TBC1D31: variants seen among roughly 807,000 people sequenced by gnomAD.
TBC1D31 encodes the protein WD repeat domain 67.
Under a neutral mutation model 132.9 loss-of-function variants are expected in TBC1D31, and 99 were observed. That is an observed-to-expected ratio of 0.74 (90% CI 0.63 to 0.88). The LOEUF (loss-of-function observed/expected upper bound fraction) is 0.88, where lower values mean the gene tolerates loss of function less well. TBC1D31 is among the 40% of genes least tolerant of loss of function. The pLI is 0.00. For missense variants in TBC1D31, 1,134 were observed against 1,256.6 expected (o/e 0.90, Z 1.48); for synonymous variants, 385 against 419.4 (o/e 0.92, Z 1.00).
chr8:123,116,653 C>G (rs1025086245), intron 10 of TBC1D31, among the ~76,000 whole-genome samples: 2 of 151,996 alleles, frequency 1.3e-5, no homozygotes, highest in Non-Finnish European at 2.9e-5. Context: ...GTGAGCGCAC[C>G]TACTGGTGTG....
chr8:123,109,641 C>G (rs1206981491), intron 10 of TBC1D31, 21 bp downstream of exon 10: 1 of 1,580,242 alleles, frequency 6.3e-7, no homozygotes. Flanking sequence ...TATATTGCAG[C>G]AATGTGTATG....
chr8:123,159,527 C>G, the TBC1D31 span, among the ~76,000 whole-genome samples: 1 of 152,154 alleles, frequency 6.6e-6, no homozygotes, highest in African/African-American at 2.4e-5. Context: ...CGCGGTGGCT[C>G]ACGTCTGTAA....
At position 123,109,593 on chromosome 8, in the gene TBC1D31, G is replaced by A. The variant is rs776868889; in HGVS notation, c.1409G>A (p.Ser470Asn). Reference protein sequence around the residue: ...LNLQKKYPIKSRKLLRVLQRT... With the variant: ...LNLQKKYPIKNRKLLRVLQRT... ...CTTCAGAAGAAATACCCCATCAAAA[G>A]TAGGAAGCTACTCAGAGTATTACAG... Residue 470 changes from serine (S) to asparagine (N), a missense_variant, in exon 10 of 22, where the codon AGT becomes AAT. Transcript: ENST00000287380. 2.5e-6 allele frequency: 4 copies of A among 1,613,580 alleles called. No homozygotes were observed. The highest frequency in any genetic ancestry group is 3.4e-6 in the Non-Finnish European group (4 of 1,179,896).
At chr8:123,101,425 G>GT (rs1044208436) in intron 7 of TBC1D31, among the ~76,000 whole-genome samples, 6 of 151,758 alleles carry the variant, frequency 4.0e-5, no homozygotes, top group Non-Finnish European at 7.4e-5. Context: ...TTTTGTTTTT[G>GT]TTTTTTGAGA....
intron 10 of TBC1D31, 127 bp downstream of exon 10, chr8:123,109,747 T>C (rs1818275749): frequency 1.1e-6 from 1 of 884,496 alleles, no homozygotes; most frequent in Non-Finnish European, 1.7e-6. Context: ...GTTGGTTTAA[T>C]TTTAAAAATG....
At chr8:123,100,729 G>C in intron 6 of TBC1D31, 78 bp from the exon 7 acceptor site, 1 of 1,064,038 alleles carries the variant, frequency 9.4e-7, no homozygotes, top group Middle Eastern at 2.1e-4. Flanking sequence ...TTGCATACAC[G>C]TAAAGACGTG....
chr8:123,149,546 A>G (rs1168025331), intron 20 of TBC1D31, among the ~76,000 whole-genome samples: 1 of 152,142 alleles, frequency 6.6e-6, no homozygotes, highest in African/African-American at 2.4e-5. Flanking sequence ...GGTGAGTGTA[A>G]GTTTTGAGAT....
chr8:123,140,560 C>G (rs927953110), intron 17 of TBC1D31, among the ~76,000 whole-genome samples: 2 of 152,020 alleles, frequency 1.3e-5, no homozygotes, highest in African/African-American at 2.4e-5. Context: ...TATCAGTGTT[C>G]TCAATGCTTT....
At chr8:123,110,131 A>G (rs147392774) in intron 10 of TBC1D31, among the ~76,000 whole-genome samples, 240 of 152,306 alleles carry the variant, frequency 1.6e-3, no homozygotes, top group African/African-American at 5.2e-3. Flanking sequence ...AAGAGCTTTG[A>G]ATTTGAAGGC....
At chr8:123,132,765 T>A (rs1490979400) in intron 16 of TBC1D31, among the ~76,000 whole-genome samples, 1 of 152,200 alleles carries the variant, frequency 6.6e-6, no homozygotes, top group African/African-American at 2.4e-5. Context: ...TATAGCATGA[T>A]ACTTCTTGTT....
intron 11 of TBC1D31, among the ~76,000 whole-genome samples, chr8:123,121,852 GACAA>G (rs1819517367): frequency 1.3e-5 from 2 of 152,162 alleles, no homozygotes; most frequent in South Asian, 4.2e-4. Context: ...ATAACAAAAA[GACAA>G]ACAAGCCAAT....
intron 2 of TBC1D31, among the ~76,000 whole-genome samples, chr8:123,077,559 C>G (rs974620166): frequency 7.0e-6 from 1 of 142,002 alleles, no homozygotes; most frequent in African/African-American, 2.6e-5. Context: ...TCAGACGGAG[C>G]CTTGTTCTGT....
chr8:123,142,216 T>A, intron 18 of TBC1D31, 46 bp from the exon 19 acceptor site: 1 of 1,406,058 alleles, frequency 7.1e-7, no homozygotes. Context: ...TCATTTTATG[T>A]ACTAGTAGTT....
chr8:123,076,430 T>A (rs990996998), intron 1 of TBC1D31, among the ~76,000 whole-genome samples: 3 of 152,170 alleles, frequency 2.0e-5, no homozygotes, highest in Non-Finnish European at 4.4e-5. Context: ...TCATTACATA[T>A]GTGTCTCCAG....
intron 3 of TBC1D31, chr8:123,083,102 A>T: frequency 4.0e-6 from 1 of 249,166 alleles, no homozygotes; most frequent in Non-Finnish European, 7.7e-6. Context: ...AAAAGGATAC[A>T]AAGTATAACT....
chr8:123,099,310 C>CG (rs1187016191), intron 6 of TBC1D31, among the ~76,000 whole-genome samples: 1 of 151,938 alleles, frequency 6.6e-6, no homozygotes, highest in Non-Finnish European at 1.5e-5. Flanking sequence ...TTAGTAGAGA[C>CG]GGGGTTTCAC....
At chr8:123,117,630 G>T (rs1292867147) in intron 10 of TBC1D31, among the ~76,000 whole-genome samples, 1 of 151,610 alleles carries the variant, frequency 6.6e-6, no homozygotes, top group East Asian at 1.9e-4. Context: ...GCGCGCGCCT[G>T]TAGTCCCAGC....
At chr8:123,111,297 T>G (rs921161946) in intron 10 of TBC1D31, among the ~76,000 whole-genome samples, 2 of 152,240 alleles carry the variant, frequency 1.3e-5, no homozygotes, top group African/African-American at 4.8e-5. Context: ...CTTCTCATTT[T>G]ATAAACCGGG....
intron 4 of TBC1D31, among the ~76,000 whole-genome samples, chr8:123,086,400 G>A (rs1169934375): frequency 6.6e-6 from 1 of 152,132 alleles, no homozygotes; most frequent in Non-Finnish European, 1.5e-5. Context: ...CAAAGACACG[G>A]GGTCTGGAGA....
Sources: allele counts gnomAD v4.1 joint callset (sites outside exome capture counted in the v4.1 genomes callset), GRCh38; gene constraint gnomAD v4.1.1; transcripts MANE v1.5; gene names NCBI Gene and HGNC (gene_info 2026-07-23, HGNC 2026-07-21).